Variants in CLTCL1 observed in about 807,000 individuals in gnomAD.
CLTCL1 encodes the protein clathrin heavy chain 2.
CLTCL1 carries 159 observed loss-of-function variants against 190.0 expected under a neutral mutation model. The ratio of observed to expected loss-of-function variants is 0.84; its 90% CI spans 0.74 to 0.95. The LOEUF (loss-of-function observed/expected upper bound fraction) is 0.95, where lower values mean the gene tolerates loss of function less well. CLTCL1 is among the 40% of genes least tolerant of loss of function. The pLI is 0.00. For synonymous variants in CLTCL1, 752 were observed against 769.6 expected (o/e 0.98, Z 0.38); for missense variants, 1,878 against 2,033.4 (o/e 0.92, Z 1.47).
intron 2 of CLTCL1, among the ~76,000 whole-genome samples, chr22:19,264,988 C>G (rs2087074081): frequency 6.6e-6 from 1 of 152,048 alleles, no homozygotes; most frequent in African/African-American, 2.4e-5. Context: ...AGGGTTTCAC[C>G]ATGTTGGCCA....
At chr22:19,207,550 T>C (rs2085089187) in intron 22 of CLTCL1, 3 of 402,980 alleles carry the variant, frequency 7.4e-6, no homozygotes, top group Admixed American at 8.5e-5. Context: ...ATGATCTTTA[T>C]CTGCATCACA....
At chr22:19,235,062 G>C (rs1555961302) in intron 6 of CLTCL1, among the ~76,000 whole-genome samples, 1 of 152,026 alleles carries the variant, frequency 6.6e-6, no homozygotes, top group Non-Finnish European at 1.5e-5. Flanking sequence ...TAGAGACAGG[G>C]TCTTACTATG....
chr22:19,186,364 G>A (rs782695291), intron 29 of CLTCL1, among the ~76,000 whole-genome samples: 1 of 151,980 alleles, frequency 6.6e-6, no homozygotes, highest in African/African-American at 2.4e-5. Context: ...GCCAAGCAGA[G>A]GATGTTAATG....
intron 2 of CLTCL1, chr22:19,257,520 A>T: frequency 3.3e-6 from 1 of 304,198 alleles, no homozygotes. Flanking sequence ...CCCAGACAGC[A>T]TGAGTTTCAC....
chr22:19,271,108 T>G (rs1569245549), intron 2 of CLTCL1, among the ~76,000 whole-genome samples: 1 of 151,914 alleles, frequency 6.6e-6, no homozygotes. Flanking sequence ...CTGAGCTCAG[T>G]GCCAACTCTG....
intron 23 of CLTCL1, among the ~76,000 whole-genome samples, chr22:19,200,333 C>G (rs1392216258): frequency 6.6e-6 from 1 of 152,154 alleles, no homozygotes; most frequent in Non-Finnish European, 1.5e-5. Flanking sequence ...ATCACATAAG[C>G]CAGTGTCATT....
intron 31 of CLTCL1, 72 bp from the exon 32 acceptor site, chr22:19,180,310 T>G: frequency 3.3e-6 from 5 of 1,495,820 alleles, no homozygotes; most frequent in Admixed American, 1.7e-5. Context: ...GCCGGCGTGC[T>G]GCACACTCAC....
intron 1 of CLTCL1, among the ~76,000 whole-genome samples, chr22:19,279,812 G>A (rs188854785): frequency 1.1e-3 from 162 of 152,224 alleles, no homozygotes; most frequent in African/African-American, 3.8e-3. Context: ...AATTCATTTT[G>A]AATCCATCAA....
chr22:19,225,837 T>C (rs1019308044), intron 12 of CLTCL1, among the ~76,000 whole-genome samples: 1 of 152,326 alleles, frequency 6.6e-6, no homozygotes, highest in Admixed American at 6.5e-5. Flanking sequence ...ATCTAAACTG[T>C]TCACCTGGAA....
In CLTCL1 at chr22:19,198,366, C is replaced by T. The variant is rs1433953817; in HGVS notation, c.3873+1368G>A. Among the ~76,000 whole-genome samples, 2 of 152,098 alleles carry T rather than the reference C, an allele frequency of 1.3e-5. No homozygotes were observed. The highest frequency in any genetic ancestry group is 2.9e-5 in the Non-Finnish European group (2 of 68,022). ...GCTGCTCTTCTGGCTCCTGTCCCTA[C>T]TCCTCAAGTATGTGTCTCAGCACAT... On this transcript the variant is annotated intron_variant, in intron 24 of 32. Transcript: ENST00000427926. This position sits in a 1 kb window ranked among gnomAD's most constrained non-coding sequence, Gnocchi z 4.1.
intron 19 of CLTCL1, among the ~76,000 whole-genome samples, chr22:19,211,817 T>C (rs5748043): frequency 0.067 from 8,583 of 127,664 alleles, 337 homozygotes; most frequent in East Asian, 0.15. Flanking sequence ...GCAGCCAACA[T>C]GATTGATTAA....
rs376917795 is a variant in CLTCL1, at chr22:19,203,607, C to T, written c.3601-2114G>A. On this transcript the variant is annotated intron_variant, in intron 22 of 32. Transcript: ENST00000427926. ...CAGTCTCCATCTCCCCCTCTCCCTG[C>T]TGTGGGGCTTTGGGGTGCTCTGGCT... Among the ~76,000 whole-genome samples the T allele has an allele frequency of 1.7e-3, 263 of 152,298 alleles. 9 individuals carry two copies. In the South Asian group the frequency reaches 0.047, roughly 27 times the overall value.
In CLTCL1 at chr22:19,262,315, C is replaced by T. The variant is rs1005662019; in HGVS notation, c.251-8088G>A. On this transcript the variant is annotated intron_variant, in intron 2 of 32. Transcript: ENST00000427926. Reference sequence around the variant, plus strand: ...TGCTGGGATTACAGGCATAAGCCACCGCACCCAGCCTGATGTCTTATTTTA... The same window carrying T: ...TGCTGGGATTACAGGCATAAGCCACTGCACCCAGCCTGATGTCTTATTTTA... Among the ~76,000 whole-genome samples the T allele has an allele frequency of 1.3e-3, 199 of 151,562 alleles. 1 individual carries two copies. The highest frequency in any genetic ancestry group is 4.3e-3 in the African/African-American group (180 of 41,446).
Position 19,253,475 on chromosome 22 carries a change from G to A in CLTCL1, c.519+484C>T, listed in dbSNP as rs146077354. On this transcript the variant is annotated intron_variant, in intron 3 of 32. Transcript: ENST00000427926. ...CTAGCCCTCTCTCGTCTTCCCGAAG[G>A]ACTACTTCTTATAAAACTATGGGTT... Among the ~76,000 whole-genome samples, 961 of 152,266 alleles carry A rather than the reference G, an allele frequency of 6.3e-3. 26 individuals carry two copies. The highest frequency in any genetic ancestry group is 0.049 in the Admixed American group (750 of 15,282).
At position 19,221,503 on chromosome 22, in the gene CLTCL1, G is replaced by C. The variant is rs782193926; in HGVS notation, c.2670C>G (p.Pro890=). The C allele has an allele frequency of 1.2e-6, 2 of 1,602,726 alleles. No homozygotes were observed. Among genetic ancestry groups the C allele is most frequent in the African/African-American group, 2.7e-5 (2 of 74,904 alleles). ...AGGCATTCTCTCTCAGGAAGCACTC[G>C]GGGCTGTTGTTGCTGTCGATGTAGA... ...AKIYIDSNNS[P]ECFLRENAYY... The change falls in exon 17 of 33, where the codon CCC becomes CCG. Residue 890 remains proline, a synonymous_variant. Transcript: ENST00000427926.
chr22:19,207,714 A>C (rs1335782514), intron 22 of CLTCL1: 3 of 476,086 alleles, frequency 6.3e-6, no homozygotes, highest in Non-Finnish European at 7.4e-6. Context: ...TTACTGCCTG[A>C]GCTCCGCCTC....
chr22:19,210,256 G>A, intron 20 of CLTCL1, 70 bp downstream of exon 20: 1 of 1,484,200 alleles, frequency 6.7e-7, no homozygotes, highest in Non-Finnish European at 9.3e-7. Context: ...GAGAGGACAA[G>A]GGCTTGCAGG....
intron 26 of CLTCL1, among the ~76,000 whole-genome samples, chr22:19,196,005 C>T (rs1277341985): frequency 6.6e-6 from 1 of 152,244 alleles, no homozygotes; most frequent in African/African-American, 2.4e-5. Flanking sequence ...GCCACAGGGC[C>T]ACGGCTGCAT....
intron 1 of CLTCL1, among the ~76,000 whole-genome samples, chr22:19,290,782 GAAGAT>G (rs1415291072): frequency 6.6e-6 from 1 of 152,218 alleles, no homozygotes; most frequent in African/African-American, 2.4e-5. Flanking sequence ...CTTATTGAAT[GAAGAT>G]GAGTTCTTTA....
Sources: gnomAD v4.1 joint callset for allele counts (sites outside exome capture counted in the v4.1 genomes callset) on GRCh38, gnomAD v4.1.1 for gene constraint, Gnocchi (gnomAD v3.1) non-coding constraint, MANE v1.5 for transcripts, NCBI Gene and HGNC (gene_info 2026-07-23, HGNC 2026-07-21) for gene names.